KPNA7: variants seen among roughly 807,000 people sequenced by gnomAD.
The protein encoded by KPNA7 is karyopherin subunit alpha 7.
Under a neutral mutation model 53.7 loss-of-function variants are expected in KPNA7, and 54 were observed. The observed-to-expected ratio is 1.01, with a 90% CI of 0.81 to 1.26. The LOEUF is 1.26. Ranked by LOEUF, KPNA7 falls within the 50% of genes most tolerant of loss-of-function variation. The pLI is 0.00. For missense variants in KPNA7, 640 were observed against 644.5 expected (o/e 0.99, Z 0.07); for synonymous variants, 276 against 259.3 (o/e 1.06, Z -0.62).
chr7:99,174,850 G>A (rs145136476), intron 10 of KPNA7, among the ~76,000 whole-genome samples: 12,442 of 149,226 alleles, frequency 0.083, 724 homozygotes, highest in Non-Finnish European at 0.12. Context: ...TTACTCTGTC[G>A]CCCAGGCTGG....
intron 5 of KPNA7, 117 bp downstream of exon 5, chr7:99,194,953 G>T: frequency 8.1e-7 from 1 of 1,227,922 alleles, no homozygotes. Context: ...AGCACTTCTA[G>T]GTATTTACAT....
chr7:99,150,499 C>G, the KPNA7 span, among the ~76,000 whole-genome samples: 1 of 149,464 alleles, frequency 6.7e-6, no homozygotes, highest in Non-Finnish European at 1.5e-5. Context: ...ACCACAATCT[C>G]CGCCTCCTGG....
intron 3 of KPNA7, among the ~76,000 whole-genome samples, chr7:99,198,331 G>A (rs569230913): frequency 6.6e-6 from 1 of 152,200 alleles, no homozygotes; most frequent in South Asian, 2.1e-4. Context: ...TACAAGAAAA[G>A]TATAAGCTAA....
chr7:99,194,127 G>C (rs1231168535), intron 5 of KPNA7, among the ~76,000 whole-genome samples: 5 of 152,116 alleles, frequency 3.3e-5, no homozygotes, highest in African/African-American at 4.8e-5. Context: ...CTAATAGTCG[G>C]CTGATCTTAA....
At chr7:99,213,426 C>A (rs1791125552) in intron 1 of KPNA7, among the ~76,000 whole-genome samples, 1 of 99,254 alleles carries the variant, frequency 1.0e-5, no homozygotes, top group African/African-American at 3.8e-5. Context: ...TGCACCTGGC[C>A]TTTTAAAAAA....
At chr7:99,205,353 A>G (rs923355476) in intron 2 of KPNA7, among the ~76,000 whole-genome samples, 3 of 147,256 alleles carry the variant, frequency 2.0e-5, no homozygotes, top group African/African-American at 7.7e-5. Flanking sequence ...CAGAGGTTGC[A>G]GTGAGCCAAG....
At chr7:99,199,334 C>T (rs1346367898) in intron 3 of KPNA7, among the ~76,000 whole-genome samples, 2 of 151,800 alleles carry the variant, frequency 1.3e-5, no homozygotes, top group South Asian at 2.1e-4. Flanking sequence ...GACTCACTTC[C>T]CAATTTCGAA....
intron 3 of KPNA7, among the ~76,000 whole-genome samples, chr7:99,198,426 T>C: frequency 6.6e-6 from 1 of 151,998 alleles, no homozygotes; most frequent in Non-Finnish European, 1.5e-5. Flanking sequence ...GGTCAACATA[T>C]TGGTCATCAT....
intron 9 of KPNA7, 87 bp from the exon 10 acceptor site, chr7:99,178,153 G>A (rs932347092): frequency 1.8e-5 from 22 of 1,208,274 alleles, no homozygotes; most frequent in East Asian, 1.8e-4. Flanking sequence ...GAGCTGCCCC[G>A]AGTGGAAGCA....
chr7:99,191,924 A>G (rs1297803910), intron 6 of KPNA7, among the ~76,000 whole-genome samples: 1 of 152,190 alleles, frequency 6.6e-6, no homozygotes, highest in Non-Finnish European at 1.5e-5. Flanking sequence ...TGTTGGGATT[A>G]CAGGTGTGAG....
Position 99,195,055 on chromosome 7 carries a change from A to T in KPNA7, c.553+15T>A. On this transcript the variant is annotated intron_variant, in intron 5 of 10. Coordinates refer to ENST00000327442, the MANE Select transcript of KPNA7 (RefSeq NM_001145715.3). ...CTGGCCCCGTTTTCTTAGCCCACTA[A>T]GGGGAGAGTCTCACCGGCTATATTA... is the stretch of plus-strand genomic sequence containing the variant. 1.3e-6 allele frequency: 2 copies of T among 1,549,886 alleles called. No homozygotes were observed. The highest frequency in any genetic ancestry group is 1.7e-6 in the Non-Finnish European group (2 of 1,145,646).
At chr7:99,218,166 A>AT (rs928541612) in intron 1 of KPNA7, among the ~76,000 whole-genome samples, 4 of 151,940 alleles carry the variant, frequency 2.6e-5, no homozygotes, top group Non-Finnish European at 4.4e-5. Context: ...CACCTGGCTA[A>AT]TTTTTTTATT....
upstream of KPNA7, among the ~76,000 whole-genome samples, chr7:99,210,724 G>T (rs1791045567): frequency 6.6e-6 from 1 of 151,894 alleles, no homozygotes; most frequent in Admixed American, 6.6e-5. Context: ...GAGCAGCTAG[G>T]ACTACAGGCA....
chr7:99,156,813 A>T, the KPNA7 span, among the ~76,000 whole-genome samples: 2 of 151,918 alleles, frequency 1.3e-5, no homozygotes, highest in Non-Finnish European at 2.9e-5. Context: ...GCATGAGCCA[A>T]CATGCCTGGC....
the KPNA7 span, among the ~76,000 whole-genome samples, chr7:99,158,918 G>A: frequency 6.6e-6 from 1 of 151,862 alleles, no homozygotes; most frequent in South Asian, 2.1e-4. Flanking sequence ...AGACTGGAGT[G>A]TAGCGGTACA....
At chr7:99,154,134 CTTT>C in the KPNA7 span, among the ~76,000 whole-genome samples, 28 of 141,430 alleles carry the variant, frequency 2.0e-4, no homozygotes, top group East Asian at 3.7e-3. Context: ...AGCTCACACA[CTTT>C]TTTTTTTTTT....
upstream of KPNA7, among the ~76,000 whole-genome samples, chr7:99,211,678 A>G (rs1563092883): frequency 6.6e-6 from 1 of 152,150 alleles, no homozygotes. Flanking sequence ...GCAAGACAGG[A>G]GCTACAGGAG....
the KPNA7 span, among the ~76,000 whole-genome samples, chr7:99,167,794 C>T: frequency 1.3e-5 from 2 of 151,818 alleles, no homozygotes; most frequent in South Asian, 4.2e-4. Flanking sequence ...TTATGAGAAT[C>T]TAATGCCTGA....
At chr7:99,164,425 G>T in the KPNA7 span, among the ~76,000 whole-genome samples, 1 of 151,994 alleles carries the variant, frequency 6.6e-6, no homozygotes, top group African/African-American at 2.4e-5. Context: ...ACTCATAGGT[G>T]GGAATTGAAC....
Sources: allele counts gnomAD v4.1 joint callset (sites outside exome capture counted in the v4.1 genomes callset), GRCh38; gene constraint gnomAD v4.1.1; transcripts MANE v1.5; gene names NCBI Gene and HGNC (gene_info 2026-07-23, HGNC 2026-07-21).